The following RIPOR3 variants were observed in gnomAD, a reference collection of about 807,000 sequenced individuals.
The protein encoded by RIPOR3 is RIPOR family member 3, also known as family with sequence similarity 65 member C.
Under a neutral mutation model 114.3 loss-of-function variants are expected in RIPOR3, and 95 were observed. The ratio of observed to expected loss-of-function variants is 0.83; its 90% CI spans 0.70 to 0.99. The LOEUF (loss-of-function observed/expected upper bound fraction) is 0.99, where lower values mean the gene tolerates loss of function less well. Among genes scored for constraint, RIPOR3 ranks in the 50% least tolerant of loss-of-function variants. The probability of loss-of-function intolerance (pLI) is 0.00; values close to 1 mark genes in which losing one functional copy is unlikely to be tolerated. For missense variants in RIPOR3, 1,252 were observed against 1,266.9 expected, an observed-to-expected ratio of 0.99 and a Z score of 0.18; for synonymous variants, 575 against 543.8, an observed-to-expected ratio of 1.06 and a Z score of -0.80.
intron 1 of RIPOR3, among the ~76,000 whole-genome samples, chr20:50,637,430 C>T (rs2085026577): frequency 6.6e-6 from 1 of 152,180 alleles, no homozygotes; most frequent in Non-Finnish European, 1.5e-5. Context: ...CCCTGACCCC[C>T]TTGGCTAACG....
In RIPOR3 at chr20:50,647,099, C is replaced by G. The variant is rs140224009; in HGVS notation, c.4-16243G>C. Among the ~76,000 whole-genome samples the G allele has an allele frequency of 2.4e-3, 358 of 152,310 alleles. 2 individuals carry two copies. Among genetic ancestry groups the G allele is most frequent in the Middle Eastern group, 0.01 (3 of 294 alleles). On this transcript the variant is annotated intron_variant, in intron 1 of 21. Coordinates refer to ENST00000327979, the MANE Select transcript of RIPOR3 (RefSeq NM_001290268.2). Reference sequence around the variant, plus strand: ...CTTTCGGAGGCCGAGGCGGACGGATCACTTGAGGTCAGGAGTTCAAGACCA... The same window carrying G: ...CTTTCGGAGGCCGAGGCGGACGGATGACTTGAGGTCAGGAGTTCAAGACCA...
chr20:50,651,667 C>T (rs2085618771), intron 1 of RIPOR3, among the ~76,000 whole-genome samples: 1 of 152,162 alleles, frequency 6.6e-6, no homozygotes, highest in Non-Finnish European at 1.5e-5. Flanking sequence ...TCGGTTTCCT[C>T]ATCTGTGAAA....
At chr20:50,679,163 C>CAG (rs1363085262) in intron 1 of RIPOR3, among the ~76,000 whole-genome samples, 1,276 of 100,584 alleles carry the variant, frequency 0.013, 48 homozygotes, top group South Asian at 0.027. Flanking sequence ...CACACACACA[C>CAG]ACAGAGAGAG....
At chr20:50,609,102 T>A in intron 8 of RIPOR3, 147 bp from the exon 9 acceptor site, 1 of 1,315,972 alleles carries the variant, frequency 7.6e-7, no homozygotes, top group South Asian at 1.4e-5. Flanking sequence ...TGATGGAAAA[T>A]GGACAGAGGG....
At chr20:50,613,804 G>A (rs1415883554) in intron 4 of RIPOR3, among the ~76,000 whole-genome samples, 3 of 152,194 alleles carry the variant, frequency 2.0e-5, no homozygotes, top group Admixed American at 6.6e-5. Flanking sequence ...AGGTGCTGGA[G>A]CTGGGTGATA....
intron 4 of RIPOR3, 130 bp from the exon 5 acceptor site, chr20:50,611,334 C>T (rs916280262): frequency 1.1e-5 from 13 of 1,151,940 alleles, no homozygotes; most frequent in Non-Finnish European, 1.5e-5. Context: ...TACAGCCACC[C>T]CCACCCACTC....
intron 1 of RIPOR3, among the ~76,000 whole-genome samples, chr20:50,644,166 G>T (rs1373695597): frequency 6.6e-6 from 1 of 152,010 alleles, no homozygotes; most frequent in African/African-American, 2.4e-5. Context: ...CCCTTAGTTT[G>T]TCACTATATT....
rs903557472 is a variant in RIPOR3, at chr20:50,594,486, C to T, written c.2212+67G>A. On this transcript the variant is annotated intron_variant, in intron 17 of 21. Transcript: ENST00000327979. ...TGAAATGAGGCCAGCTGTGGCCACC[C>T]TGAAGGCCCTGGAGACTCAATACAG... 7.7e-6 allele frequency: 12 copies of T among 1,551,846 alleles called. No individual in the cohort carries two copies. The African/African-American group carries it at 1.6e-4, about 21-fold the overall frequency.
At chr20:50,639,384 C>A (rs2085109377) in intron 1 of RIPOR3, among the ~76,000 whole-genome samples, 1 of 152,178 alleles carries the variant, frequency 6.6e-6, no homozygotes, top group South Asian at 2.1e-4. Context: ...CTGAGCTCTG[C>A]CCCCGCTGAG....
At chr20:50,690,708 C>T (rs868149079) in intron 1 of RIPOR3, among the ~76,000 whole-genome samples, 1 of 152,176 alleles carries the variant, frequency 6.6e-6, no homozygotes, top group South Asian at 2.1e-4. Flanking sequence ...AGTCACTTCA[C>T]TTCGCCCAGC....
intron 1 of RIPOR3, among the ~76,000 whole-genome samples, chr20:50,639,746 T>C (rs2085120097): frequency 6.6e-6 from 1 of 152,126 alleles, no homozygotes; most frequent in Non-Finnish European, 1.5e-5. Flanking sequence ...GGCAGTGTGG[T>C]GCAGGTGTGT....
chr20:50,680,475 T>C (rs986146709), intron 1 of RIPOR3, among the ~76,000 whole-genome samples: 3 of 152,238 alleles, frequency 2.0e-5, no homozygotes, highest in African/African-American at 4.8e-5. Context: ...GCAGAACTAA[T>C]TGGCAACAGA....
chr20:50,683,720 G>A (rs946890806), intron 1 of RIPOR3, among the ~76,000 whole-genome samples: 4 of 151,482 alleles, frequency 2.6e-5, no homozygotes, highest in Non-Finnish European at 2.9e-5. Context: ...GCCTCCCAAA[G>A]TACTGGGATT....
chr20:50,607,393 T>C (rs2083762215), intron 11 of RIPOR3, among the ~76,000 whole-genome samples: 1 of 152,178 alleles, frequency 6.6e-6, no homozygotes, highest in Non-Finnish European at 1.5e-5. Context: ...AGCCTTGCAC[T>C]CGGAGTAGGT....
intron 2 of RIPOR3, among the ~76,000 whole-genome samples, chr20:50,630,150 T>C (rs923440509): frequency 6.6e-6 from 1 of 152,152 alleles, no homozygotes; most frequent in Non-Finnish European, 1.5e-5. Context: ...GCATTTTTAG[T>C]AGAGACAGGG....
intron 1 of RIPOR3, among the ~76,000 whole-genome samples, chr20:50,639,967 C>T (rs13040554): frequency 0.12 from 17,491 of 151,226 alleles, 1,117 homozygotes; most frequent in East Asian, 0.17. Context: ...CACTGCCACA[C>T]GTCCCTGTGC....
chr20:50,690,730 C>T (rs549722581), intron 1 of RIPOR3, among the ~76,000 whole-genome samples: 1 of 152,168 alleles, frequency 6.6e-6, no homozygotes. Flanking sequence ...GCTGTTTCCT[C>T]AGGGTACAAT....
intron 1 of RIPOR3, among the ~76,000 whole-genome samples, chr20:50,674,695 C>T (rs2086629282): frequency 6.7e-6 from 1 of 150,350 alleles, no homozygotes; most frequent in Admixed American, 6.7e-5. Flanking sequence ...ACTTGTAATC[C>T]CAGGGCTTTA....
chr20:50,650,291 G>A (rs754091792), intron 1 of RIPOR3, among the ~76,000 whole-genome samples: 8 of 152,044 alleles, frequency 5.3e-5, no homozygotes, highest in Non-Finnish European at 1.2e-4. Context: ...CAGCACGGGG[G>A]TTTGGGTTCA....
Sources: gnomAD v4.1 joint callset for allele counts (sites outside exome capture counted in the v4.1 genomes callset) on GRCh38, gnomAD v4.1.1 for gene constraint, MANE v1.5 for transcripts, NCBI Gene and HGNC (gene_info 2026-07-23, HGNC 2026-07-21) for gene names.